The following RBFOX1 variants were observed in gnomAD, a reference collection of about 807,000 sequenced individuals.
The protein encoded by RBFOX1 is RNA binding protein fox-1 homolog 1.
RBFOX1 carries 8 observed loss-of-function variants against 57.7 expected under a neutral mutation model. The ratio of observed to expected loss-of-function variants is 0.14; its 90% confidence interval spans 0.08 to 0.25. The LOEUF is 0.25. Ranked by LOEUF, RBFOX1 falls within the 10% of genes least tolerant of loss-of-function variation. RBFOX1 has a pLI of 1.00. For missense variants in RBFOX1, 611 were observed against 548.5 expected (o/e 1.11, Z -1.14); for synonymous variants, 326 against 222.4 (o/e 1.47, Z -4.15).
At chr16:7,043,253 C>A (rs992576306) in intron 3 of RBFOX1, among the ~76,000 whole-genome samples, 1 of 152,180 alleles carries the variant, frequency 6.6e-6, no homozygotes, top group African/African-American at 2.4e-5. Flanking sequence ...TTGAGCACCC[C>A]TGGAACCCTG....
At chr16:6,854,182 T>C (rs914638667) in intron 3 of RBFOX1, among the ~76,000 whole-genome samples, 1 of 152,042 alleles carries the variant, frequency 6.6e-6, no homozygotes, top group African/African-American at 2.4e-5. Flanking sequence ...TCAATAACGG[T>C]TTCTGGGGTT....
rs1202448074 is a variant in RBFOX1, at chr16:6,025,308, C to A, written c.-127+5316C>A. ...AGAAATTAAACTCGATTCCCCACCACCACCTACTTCGTAGGGCTTACACTA... is the reference window on the plus strand; with the variant it reads ...AGAAATTAAACTCGATTCCCCACCAACACCTACTTCGTAGGGCTTACACTA... On this transcript the variant is annotated intron_variant, in intron 1 of 15. Transcript: ENST00000550418. Among the ~76,000 whole-genome samples, 5 of 152,226 alleles carry A rather than the reference C, an allele frequency of 3.3e-5. No individual in the cohort carries two copies. In the East Asian group the frequency reaches 9.6e-4, roughly 29 times the overall value.
rs1009882776 is a variant in RBFOX1, at chr16:7,280,644, C to T, written c.27+228546C>T. On this transcript the variant is annotated intron_variant, in intron 4 of 15. Coordinates refer to ENST00000550418, the MANE Select transcript of RBFOX1 (RefSeq NM_018723.4). ...GCACATAAGGACAGAGTGGCTGGGG[C>T]AGTCAACTGGCATCCTAGAACATAT... 3.3e-5 allele frequency among the ~76,000 whole-genome samples: 5 copies of T among 152,132 alleles called. No homozygotes were observed. In the South Asian group the frequency reaches 8.3e-4, roughly 25 times the overall value.
At chr16:6,590,161 C>T (rs2097690376) in intron 2 of RBFOX1, among the ~76,000 whole-genome samples, 1 of 152,204 alleles carries the variant, frequency 6.6e-6, no homozygotes, top group South Asian at 2.1e-4. Flanking sequence ...GTATGGGGAA[C>T]TTCTAAGTTC....
chr16:6,251,604 A>G (rs1013746880), intron 1 of RBFOX1, among the ~76,000 whole-genome samples: 2 of 152,040 alleles, frequency 1.3e-5, no homozygotes, highest in African/African-American at 4.8e-5. Flanking sequence ...GAGAGAGAGA[A>G]AAAGAGAGAG....
chr16:5,616,337 CT>C, intron 3 of RBFOX1: 1 of 152,442 alleles, frequency 6.6e-6, no homozygotes, highest in South Asian at 2.1e-4. Flanking sequence ...GACACCGCCC[CT>C]GGGAGGGAGC....
At chr16:5,443,525 A>C (rs748655834) in intron 1 of RBFOX1, among the ~76,000 whole-genome samples, 55 of 152,304 alleles carry the variant, frequency 3.6e-4, no homozygotes, top group Non-Finnish European at 6.6e-4. Flanking sequence ...TTTTTAATAA[A>C]GATGGGGTTT....
At chr16:7,706,501 A>T (rs73498765) in intron 14 of RBFOX1, among the ~76,000 whole-genome samples, 1 of 152,228 alleles carries the variant, frequency 6.6e-6, no homozygotes, top group Non-Finnish European at 1.5e-5. Flanking sequence ...CGCTTTTATT[A>T]AATACATTCA....
intron 3 of RBFOX1, among the ~76,000 whole-genome samples, chr16:6,795,223 G>A (rs1475015598): frequency 6.6e-6 from 1 of 152,226 alleles, no homozygotes; most frequent in East Asian, 1.9e-4. Flanking sequence ...TTACCCACTT[G>A]TGTCCACAAA....
chr16:7,255,282 A>T (rs937426284), intron 4 of RBFOX1, among the ~76,000 whole-genome samples: 1 of 152,200 alleles, frequency 6.6e-6, no homozygotes, highest in Admixed American at 6.5e-5. Context: ...ACTCTGTGCT[A>T]TTTCCATTCT....
intron 3 of RBFOX1, among the ~76,000 whole-genome samples, chr16:6,720,200 G>C (rs911831275): frequency 2.6e-5 from 4 of 152,028 alleles, no homozygotes; most frequent in African/African-American, 9.7e-5. Context: ...AGTAATTGTA[G>C]TCCTTATCAC....
chr16:6,022,510 GT>G (rs1236832378), intron 1 of RBFOX1, among the ~76,000 whole-genome samples: 1 of 152,024 alleles, frequency 6.6e-6, no homozygotes, highest in Non-Finnish European at 1.5e-5. Context: ...GCAAAACCCT[GT>G]CTGTACTAAA....
chr16:6,516,217 C>G (rs1006960469), intron 2 of RBFOX1, among the ~76,000 whole-genome samples: 1 of 152,122 alleles, frequency 6.6e-6, no homozygotes, highest in Non-Finnish European at 1.5e-5. Flanking sequence ...TTAGTAGTGA[C>G]AGGATTTTGC....
intron 3 of RBFOX1, among the ~76,000 whole-genome samples, chr16:7,001,623 A>G (rs896791726): frequency 1.3e-5 from 2 of 151,790 alleles, no homozygotes; most frequent in Admixed American, 1.3e-4. Flanking sequence ...CACCCTGCTA[A>G]TTTTTGTATT....
intron 3 of RBFOX1, chr16:5,610,354 G>A (rs879002479): frequency 3.9e-5 from 6 of 152,194 alleles, no homozygotes; most frequent in Admixed American, 1.3e-4. Flanking sequence ...AGTGTCTCAC[G>A]GGGTTCTGTT....
chr16:7,276,013 T>C (rs1218275665), intron 4 of RBFOX1, among the ~76,000 whole-genome samples: 1 of 152,310 alleles, frequency 6.6e-6, no homozygotes, highest in East Asian at 1.9e-4. Context: ...TGCCTAAATT[T>C]CACTCAGAAA....
intron 5 of RBFOX1, among the ~76,000 whole-genome samples, chr16:7,535,320 G>A (rs555081357): frequency 9.2e-5 from 14 of 152,206 alleles, no homozygotes; most frequent in African/African-American, 2.6e-4. Context: ...CTGCCTTCAC[G>A]GTCACTTAGG....
At chr16:7,709,910 T>G in intron 15 of RBFOX1, 1 of 1,061,516 alleles carries the variant, frequency 9.4e-7, no homozygotes, top group Non-Finnish European at 1.1e-6. Context: ...AGTTTTCTGC[T>G]TGGATCAAGA....
chr16:6,456,301 T>C (rs1008945052), intron 2 of RBFOX1, among the ~76,000 whole-genome samples: 2 of 152,192 alleles, frequency 1.3e-5, no homozygotes, highest in Non-Finnish European at 2.9e-5. Flanking sequence ...AGTGTGCATC[T>C]ATTCAAGCTT....
Sources: allele counts gnomAD v4.1 joint callset (sites outside exome capture counted in the v4.1 genomes callset), GRCh38; gene constraint gnomAD v4.1.1; transcripts MANE v1.5; gene names NCBI Gene and HGNC (gene_info 2026-07-23, HGNC 2026-07-21).